PALS2: variants seen among roughly 807,000 people sequenced by gnomAD.
The protein encoded by PALS2 is protein PALS2.
In PALS2, 27 loss-of-function variants were observed where a neutral mutation model predicts 61.6. That is an observed-to-expected ratio of 0.44 (90% CI 0.32 to 0.60). The LOEUF (loss-of-function observed/expected upper bound fraction) is 0.60. PALS2 is among the 20% of genes least tolerant of loss of function. PALS2 has a pLI of 0.05. For missense variants in PALS2, 554 were observed against 639.4 expected (o/e 0.87, Z 1.44); for synonymous variants, 236 against 218.6 (o/e 1.08, Z -0.70).
chr7:24,591,735 C>G (rs944158874), intron 1 of PALS2, among the ~76,000 whole-genome samples: 2 of 152,046 alleles, frequency 1.3e-5, no homozygotes, highest in Non-Finnish European at 2.9e-5. Flanking sequence ...GTATGTTCAT[C>G]AACTGGTCAA....
At chr7:24,588,143 A>C (rs112653437) in intron 1 of PALS2, among the ~76,000 whole-genome samples, 5 of 152,294 alleles carry the variant, frequency 3.3e-5, no homozygotes, top group African/African-American at 1.2e-4. Context: ...CGAAGATTGA[A>C]AAACCCTGGA....
At chr7:24,681,173 T>TG (rs761495905) in intron 11 of PALS2, among the ~76,000 whole-genome samples, 1 of 152,136 alleles carries the variant, frequency 6.6e-6, no homozygotes, top group Non-Finnish European at 1.5e-5. Flanking sequence ...ATTGGTAAAG[T>TG]GGGGTGTTCT....
intron 3 of PALS2, among the ~76,000 whole-genome samples, chr7:24,646,192 G>C (rs562737997): frequency 3.0e-4 from 45 of 152,266 alleles, no homozygotes; most frequent in Non-Finnish European, 5.3e-4. Context: ...ATACTATGTT[G>C]AATAGAAGTG....
At chr7:24,656,294 A>C (rs1408068453) in intron 5 of PALS2, among the ~76,000 whole-genome samples, 1 of 151,952 alleles carries the variant, frequency 6.6e-6, no homozygotes, top group African/African-American at 2.4e-5. Flanking sequence ...CATCCATTTA[A>C]TTTTTCTCCC....
In PALS2 at chr7:24,628,709, AAGAG is replaced by A. The variant is rs1412669029; in HGVS notation, c.117+4928_117+4931del. Among the ~76,000 whole-genome samples the A allele has an allele frequency of 1.2e-4, 19 of 152,228 alleles. No individual in the cohort carries two copies. In the East Asian group the frequency reaches 1.7e-3, roughly 14 times the overall value. On this transcript the variant is annotated intron_variant, in intron 2 of 11. Transcript: ENST00000222644. Reference sequence around the variant, plus strand: ...TTCCTATACAGCAATAATAGACAAAAAGAGAGCCAAATCATGAGTAAACTTCCAT... The same window carrying A: ...TTCCTATACAGCAATAATAGACAAAAAGCCAAATCATGAGTAAACTTCCAT...
intron 2 of PALS2, among the ~76,000 whole-genome samples, chr7:24,630,485 T>C (rs1365242298): frequency 1.3e-5 from 2 of 152,014 alleles, no homozygotes; most frequent in East Asian, 3.8e-4. Flanking sequence ...AGTATAATAA[T>C]AATTTTTAAA....
At chr7:24,582,641 A>ATGTAGAATATG (rs1782887897) in intron 1 of PALS2, among the ~76,000 whole-genome samples, 1 of 152,030 alleles carries the variant, frequency 6.6e-6, no homozygotes, top group Admixed American at 6.6e-5. Flanking sequence ...ATGTATGTCT[A>ATGTAGAATATG]TATGCACATA....
chr7:24,654,964 T>C (rs1040717622), intron 5 of PALS2, among the ~76,000 whole-genome samples: 7 of 152,208 alleles, frequency 4.6e-5, no homozygotes, highest in African/African-American at 1.7e-4. Context: ...CTGGTTATTC[T>C]AGGGATACTG....
chr7:24,684,691 A>G (rs1444650578), intron 11 of PALS2, among the ~76,000 whole-genome samples: 1 of 152,200 alleles, frequency 6.6e-6, no homozygotes, highest in Non-Finnish European at 1.5e-5. Flanking sequence ...GAAAACATAC[A>G]TCATTAGTTC....
intron 1 of PALS2, among the ~76,000 whole-genome samples, chr7:24,600,831 GA>G (rs1201871370): frequency 6.6e-6 from 1 of 151,986 alleles, no homozygotes; most frequent in Non-Finnish European, 1.5e-5. Flanking sequence ...GTCCTCAAGC[GA>G]AAAAATCTTG....
intron 5 of PALS2, among the ~76,000 whole-genome samples, chr7:24,658,672 T>C (rs759488973): frequency 2.0e-5 from 3 of 152,024 alleles, no homozygotes; most frequent in African/African-American, 4.8e-5. Flanking sequence ...TTCTCCTGCC[T>C]GAGCCTCCCA....
At chr7:24,685,650 T>TG (rs1293642921) in intron 11 of PALS2, among the ~76,000 whole-genome samples, 3 of 125,714 alleles carry the variant, frequency 2.4e-5, no homozygotes, top group Non-Finnish European at 5.1e-5. Flanking sequence ...TAACAGGGTT[T>TG]TTTTTTTTTT....
chr7:24,593,727 G>T (rs1003930952), intron 1 of PALS2, among the ~76,000 whole-genome samples: 1 of 152,084 alleles, frequency 6.6e-6, no homozygotes, highest in African/African-American at 2.4e-5. Flanking sequence ...CTCAACAGTG[G>T]ACTTAATAAA....
chr7:24,643,268 T>A (rs534596788), intron 3 of PALS2, among the ~76,000 whole-genome samples: 2 of 152,216 alleles, frequency 1.3e-5, no homozygotes, highest in African/African-American at 4.8e-5. Context: ...TTAGTAAATA[T>A]TTGTAATTTA....
rs1350601612 is a variant in PALS2, at chr7:24,596,644, G to A, written c.-3+23051G>A. ...TTGGGTGAATAAAAATTTACTCAAA[G>A]CAGGACTACTACATTGTGAGAGTAA... is the stretch of plus-strand genomic sequence containing the variant. On this transcript the variant is annotated intron_variant, in intron 1 of 11. Coordinates refer to ENST00000222644, the MANE Select transcript of PALS2 (RefSeq NM_001303037.2). This position sits in a 1 kb window ranked among gnomAD's most constrained non-coding sequence, Gnocchi z 4.5. Among the ~76,000 whole-genome samples the A allele has an allele frequency of 9.9e-5, 15 of 152,126 alleles. No individual in the cohort carries two copies. Among genetic ancestry groups the A allele is most frequent in the Admixed American group, 9.2e-4 (14 of 15,252 alleles).
At chr7:24,644,084 T>C (rs1324279291) in intron 3 of PALS2, among the ~76,000 whole-genome samples, 1 of 145,010 alleles carries the variant, frequency 6.9e-6, no homozygotes, top group African/African-American at 2.6e-5. Context: ...TAAATCAATA[T>C]TTTCTTTTTT....
rs1786968042 is a variant in PALS2 at position 24,665,518 on chromosome 7, T to A, written c.784-70T>A. On this transcript the variant is annotated intron_variant, in intron 6 of 11. Coordinates refer to ENST00000222644, the MANE Select transcript of PALS2 (RefSeq NM_001303037.2). ...GTGACTTTTTTGACTGACCACTGCTTGTCTTACTTAATAGAATATGGTCTC... is the reference window on the plus strand; with the variant it reads ...GTGACTTTTTTGACTGACCACTGCTAGTCTTACTTAATAGAATATGGTCTC... 5 of 1,400,028 alleles carry A rather than the reference T, an allele frequency of 3.6e-6. No individual in the cohort carries two copies. In the Admixed American group the frequency reaches 8.7e-5, roughly 24 times the overall value. The allele number at this position is 1,400,028 out of a possible 1,614,324, so 86.7% of individuals were successfully genotyped here.
chr7:24,658,878 G>A (rs1245627882), intron 5 of PALS2, among the ~76,000 whole-genome samples: 4 of 152,008 alleles, frequency 2.6e-5, no homozygotes, highest in African/African-American at 7.2e-5. Context: ...GGTTCAAGGG[G>A]TATGTGTACA....
At chr7:24,671,992 T>C (rs76683054) in intron 9 of PALS2, among the ~76,000 whole-genome samples, 10,459 of 151,536 alleles carry the variant, frequency 0.069, 447 homozygotes, top group African/African-American at 0.11. Context: ...ACTTGTTCTT[T>C]CTTTTTCAGC....
Sources: allele counts gnomAD v4.1 joint callset (sites outside exome capture counted in the v4.1 genomes callset), GRCh38; gene constraint gnomAD v4.1.1; non-coding constraint Gnocchi (gnomAD v3.1); transcripts MANE v1.5; gene names NCBI Gene and HGNC (gene_info 2026-07-23, HGNC 2026-07-21).